SPI1: variants seen among roughly 807,000 people sequenced by gnomAD.
The protein encoded by SPI1 is Spi-1 proto-oncogene.
In SPI1, 3 loss-of-function variants were observed where a neutral mutation model predicts 30.7. That is an observed-to-expected ratio of 0.10 (90% CI 0.04 to 0.25). SPI1 has a LOEUF of 0.25. Ranked by LOEUF, SPI1 falls within the 10% of genes least tolerant of loss-of-function variation. The probability of loss-of-function intolerance (pLI) is 1.00; values close to 1 mark genes in which losing one functional copy is unlikely to be tolerated. For missense variants in SPI1, 261 were observed against 371.5 expected (o/e 0.70, Z 2.45); for synonymous variants, 169 against 157.1 (o/e 1.08, Z -0.56).
At chr11:47,358,613 GAC>G (rs1171438412) in intron 4 of SPI1, 30 of 704,834 alleles carry the variant, frequency 4.3e-5, no homozygotes, top group East Asian at 1.6e-4. Context: ...GGCACAGAGA[GAC>G]ACACACACCT....
chr11:47,356,622 C>T (rs1296244083), intron 4 of SPI1, among the ~76,000 whole-genome samples: 4 of 151,672 alleles, frequency 2.6e-5, no homozygotes, highest in Non-Finnish European at 5.9e-5. Context: ...TACTTGCTTA[C>T]ACATGCTTGC....
chr11:47,359,041 G>A lies in SPI1; in HGVS notation c.331-35C>T. The A allele has an allele frequency of 6.6e-7, 1 of 1,514,202 alleles. No individual in the cohort carries two copies. Among genetic ancestry groups the A allele is most frequent in the South Asian group, 1.4e-5 (1 of 73,988 alleles). The allele number at this position is 1,514,202 out of a possible 1,614,324, so 93.8% of individuals were successfully genotyped here. A position where few individuals can be genotyped will look rare whatever the true frequency, so the allele number is the denominator to read the frequency against. Reference sequence around the variant, plus strand: ...GGGGGAAGGAGATCAGAGTCAGGAAGGGCCAGCTTACAGCTCAGGGGGGCT... The same window carrying A: ...GGGGGAAGGAGATCAGAGTCAGGAAAGGCCAGCTTACAGCTCAGGGGGGCT... On this transcript the variant is annotated intron_variant, in intron 3 of 4. Transcript: ENST00000378538. The surrounding 1 kb of genome is among the most constrained non-coding windows in gnomAD (Gnocchi z 5.1).
chr11:47,357,292 T>C (rs869263273), intron 4 of SPI1, among the ~76,000 whole-genome samples: 1 of 151,624 alleles, frequency 6.6e-6, no homozygotes, highest in African/African-American at 2.4e-5. Flanking sequence ...TGCTCACTTA[T>C]CACTCACACG....
intron 2 of SPI1, among the ~76,000 whole-genome samples, chr11:47,369,924 C>A (rs2095933423): frequency 6.6e-6 from 1 of 152,160 alleles, no homozygotes. Context: ...ATTTGACATA[C>A]AGTAGCTCGT....
chr11:47,373,520 C>T (rs528295809), intron 2 of SPI1, among the ~76,000 whole-genome samples: 25 of 151,150 alleles, frequency 1.7e-4, no homozygotes, highest in African/African-American at 4.1e-4. Context: ...TGGTAGTGCA[C>T]GATTGTAATC....
In SPI1 at chr11:47,354,953, C is replaced by A; in HGVS notation, c.*274G>T. The A allele has an allele frequency of 3.2e-6, 1 of 311,914 alleles. No homozygotes were observed. The highest frequency in any genetic ancestry group is 5.9e-6 in the Non-Finnish European group (1 of 170,436). The allele number at this position is 311,914 out of a possible 1,614,324, so 19.3% of individuals were successfully genotyped here. Reference sequence around the variant, plus strand: ...CTGATTTACATACGGACTTGAGACTCCCAAGGCAGTACCCCGGGTCGTCCT... The same window carrying A: ...CTGATTTACATACGGACTTGAGACTACCAAGGCAGTACCCCGGGTCGTCCT... On this transcript the variant is annotated 3_prime_UTR_variant, in exon 5 of 5. Coordinates refer to ENST00000378538, the MANE Select transcript of SPI1 (RefSeq NM_003120.3).
At position 47,359,521 on chromosome 11, in the gene SPI1, C is replaced by G. The variant is rs1201038338; in HGVS notation, c.330+332G>C. Among the ~76,000 whole-genome samples the G allele has an allele frequency of 6.6e-6, 1 of 152,024 alleles. No homozygotes were observed. Among genetic ancestry groups the G allele is most frequent in the Non-Finnish European group, 1.5e-5 (1 of 68,000 alleles). On this transcript the variant is annotated intron_variant, in intron 3 of 4. Transcript: ENST00000378538. The surrounding 1 kb of genome is among the most constrained non-coding windows in gnomAD (Gnocchi z 5.1). ...CAGGGTCAGTAGAGGTGTTCAGTGA[C>G]TTGGTGTGGGATCCATGAGGGCTAG...
At chr11:47,356,912 G>C (rs2095911124) in intron 4 of SPI1, among the ~76,000 whole-genome samples, 1 of 134,408 alleles carries the variant, frequency 7.4e-6, no homozygotes, top group South Asian at 2.5e-4. Flanking sequence ...TCACACACTT[G>C]TGCTCACACA....
intron 4 of SPI1, among the ~76,000 whole-genome samples, chr11:47,356,912 G>A (rs2095911124): frequency 7.4e-6 from 1 of 134,406 alleles, no homozygotes; most frequent in Non-Finnish European, 1.7e-5. Flanking sequence ...TCACACACTT[G>A]TGCTCACACA....
chr11:47,368,021 G>A (rs1489484076), intron 2 of SPI1, among the ~76,000 whole-genome samples: 1 of 151,996 alleles, frequency 6.6e-6, no homozygotes, highest in Non-Finnish European at 1.5e-5. Flanking sequence ...CCAAAGAGAT[G>A]GGATTACAGG....
intron 2 of SPI1, among the ~76,000 whole-genome samples, chr11:47,362,491 G>C (rs1295328764): frequency 1.3e-5 from 2 of 151,474 alleles, no homozygotes; most frequent in Non-Finnish European, 2.9e-5. Flanking sequence ...AAGATCGTTT[G>C]AACCCAGGAG....
rs180715425 is a variant in SPI1, at chr11:47,377,663, G to A, written c.45+646C>T. 7.6e-3 allele frequency among the ~76,000 whole-genome samples: 1,155 copies of A among 151,936 alleles called. 41 individuals carry two copies. Among genetic ancestry groups the A allele is most frequent in the Admixed American group, 0.065 (988 of 15,260 alleles). On this transcript the variant is annotated intron_variant, in intron 1 of 4. Coordinates refer to ENST00000378538, the MANE Select transcript of SPI1 (RefSeq NM_003120.3). ...TTGTCCCAGCCCTGTCCCCTGCCGC[G>A]CCTCTCCCTGAACTCCAGCCCTGGG...
chr11:47,378,203 C>T, intron 1 of SPI1, 106 bp downstream of exon 1: 3 of 1,249,424 alleles, frequency 2.4e-6, no homozygotes, highest in Non-Finnish European at 3.5e-6. Context: ...TGACTTCCCA[C>T]TGATAGCAAG....
intron 1 of SPI1, among the ~76,000 whole-genome samples, chr11:47,376,219 C>T (rs780338307): frequency 1.5e-4 from 23 of 152,028 alleles, no homozygotes; most frequent in Non-Finnish European, 4.4e-5. Context: ...CTCACAGAGA[C>T]ATTGTACACT....
At chr11:47,367,335 T>C (rs2095929756) in intron 2 of SPI1, among the ~76,000 whole-genome samples, 1 of 151,844 alleles carries the variant, frequency 6.6e-6, no homozygotes, top group Non-Finnish European at 1.5e-5. Flanking sequence ...GGGTGGATCA[T>C]TTTAGGTCAG....
chr11:47,356,965 C>A (rs1389254236), intron 4 of SPI1, among the ~76,000 whole-genome samples: 1 of 136,398 alleles, frequency 7.3e-6, no homozygotes, highest in African/African-American at 2.6e-5. Context: ...CACACATGCT[C>A]ACGTCTGCTC....
At chr11:47,363,411 C>T (rs1289188379) in intron 2 of SPI1, among the ~76,000 whole-genome samples, 1 of 151,992 alleles carries the variant, frequency 6.6e-6, no homozygotes, top group African/African-American at 2.4e-5. Context: ...ATCCCAGCTA[C>T]ATGGGAGGCT....
intron 4 of SPI1, among the ~76,000 whole-genome samples, chr11:47,356,390 C>T (rs1423139021): frequency 6.6e-6 from 1 of 151,312 alleles, no homozygotes; most frequent in Non-Finnish European, 1.5e-5. Context: ...CATTCACACC[C>T]ACTCACATGC....
chr11:47,356,799 C>T (rs60837846), intron 4 of SPI1, among the ~76,000 whole-genome samples: 2,161 of 151,170 alleles, frequency 0.014, 58 homozygotes, highest in African/African-American at 0.05. Flanking sequence ...CACACACTTG[C>T]ACGCACACAC....
Sources: allele counts gnomAD v4.1 joint callset (sites outside exome capture counted in the v4.1 genomes callset), GRCh38; gene constraint gnomAD v4.1.1; non-coding constraint Gnocchi (gnomAD v3.1); transcripts MANE v1.5; gene names NCBI Gene and HGNC (gene_info 2026-07-23, HGNC 2026-07-21).